Variants in CALN1 observed in about 807,000 individuals in gnomAD.
CALN1 encodes calneuron 1, also known as calcium-binding protein 8.
Under a neutral mutation model 30.6 loss-of-function variants are expected in CALN1, and 17 were observed. That is an observed-to-expected ratio of 0.56 (90% CI 0.38 to 0.83). The LOEUF is 0.83. Among genes scored for constraint, CALN1 ranks in the 40% least tolerant of loss-of-function variants. The pLI, the probability that CALN1 is intolerant of heterozygous loss-of-function variation, is 0.00. For synonymous variants in CALN1, 156 were observed against 131.4 expected, an observed-to-expected ratio of 1.19 and a Z score of -1.28; for missense variants, 291 against 354.9, an observed-to-expected ratio of 0.82 and a Z score of 1.45.
At chr7:72,155,120 T>A (rs1287808952) in intron 3 of CALN1, among the ~76,000 whole-genome samples, 1 of 152,100 alleles carries the variant, frequency 6.6e-6, no homozygotes, top group African/African-American at 2.4e-5. Flanking sequence ...GGGATCTCAC[T>A]TTCTCTCCCT....
intron 5 of CALN1, among the ~76,000 whole-genome samples, chr7:71,848,698 T>A (rs966887783): frequency 1.6e-4 from 25 of 151,870 alleles, no homozygotes; most frequent in Admixed American, 9.8e-4. Flanking sequence ...TTATTTTAAG[T>A]TGAGAAAAAA....
the CALN1 span, among the ~76,000 whole-genome samples, chr7:72,487,874 AAG>A: frequency 7.1e-5 from 5 of 70,346 alleles, no homozygotes; most frequent in South Asian, 9.0e-4. Context: ...GAAAGAAAGA[AAG>A]AAAGAAAGAA....
intron 2 of CALN1, among the ~76,000 whole-genome samples, chr7:72,288,490 G>A (rs1269741324): frequency 6.6e-6 from 1 of 152,056 alleles, no homozygotes; most frequent in East Asian, 1.9e-4. Flanking sequence ...TAGGGGGAAA[G>A]GAATTAGACT....
chr7:72,263,406 A>T (rs899564032), intron 3 of CALN1, among the ~76,000 whole-genome samples: 7 of 151,574 alleles, frequency 4.6e-5, no homozygotes, highest in Non-Finnish European at 7.4e-5. Flanking sequence ...TTTTTATTTT[A>T]TTTTTTTTAA....
intron 5 of CALN1, among the ~76,000 whole-genome samples, chr7:71,908,730 G>C (rs115622654): frequency 6.6e-6 from 1 of 152,106 alleles, no homozygotes; most frequent in African/African-American, 2.4e-5. Context: ...CCTCCTTATT[G>C]TGAAAGGGAA....
intron 3 of CALN1, among the ~76,000 whole-genome samples, chr7:72,206,267 T>C (rs1467568000): frequency 2.0e-5 from 3 of 152,232 alleles, no homozygotes; most frequent in Non-Finnish European, 4.4e-5. Flanking sequence ...TTTTGGCCTC[T>C]TCTTCGAAAA....
At chr7:71,974,417 C>CAAAAAAAA (rs1052896558) in intron 5 of CALN1, among the ~76,000 whole-genome samples, 1 of 55,006 alleles carries the variant, frequency 1.8e-5, no homozygotes, top group Non-Finnish European at 3.8e-5. Context: ...GACTCCATCT[C>CAAAAAAAA]AAAAAAAAAA....
At chr7:71,800,001 T>C (rs1040537630) in intron 6 of CALN1, among the ~76,000 whole-genome samples, 1 of 152,128 alleles carries the variant, frequency 6.6e-6, no homozygotes, top group African/African-American at 2.4e-5. Flanking sequence ...TGCGAACAGA[T>C]GGTGTTGATG....
intron 5 of CALN1, chr7:71,942,341 C>T (rs1027057783): frequency 4.6e-5 from 8 of 174,492 alleles, no homozygotes; most frequent in Admixed American, 1.9e-4. Context: ...GGACACTGCA[C>T]GCAGGTGCGC....
chr7:71,838,308 G>A (rs1048437162), intron 5 of CALN1, among the ~76,000 whole-genome samples: 1 of 152,348 alleles, frequency 6.6e-6, no homozygotes, highest in East Asian at 1.9e-4. Flanking sequence ...GTGTTTGCCA[G>A]TAATTAAAGC....
intron 2 of CALN1, among the ~76,000 whole-genome samples, chr7:72,338,469 CAGTGTGTGTGTGTGTGTG>C (rs1396730014): frequency 1.2e-4 from 5 of 41,946 alleles, no homozygotes; most frequent in African/African-American, 3.8e-4. Context: ...GCCAGCAGCA[CAGTGTGTGTGTGTGTGTG>C]TGTGTGTGTG....
At chr7:72,224,966 C>T (rs528804491) in intron 3 of CALN1, among the ~76,000 whole-genome samples, 21 of 151,798 alleles carry the variant, frequency 1.4e-4, no homozygotes, top group African/African-American at 5.1e-4. Context: ...GGTGTGGTGG[C>T]GGGCACCTGT....
chr7:71,978,333 G>A (rs1448746392), intron 5 of CALN1, among the ~76,000 whole-genome samples: 2 of 138,668 alleles, frequency 1.4e-5, no homozygotes, highest in South Asian at 2.4e-4. Context: ...GGGCAATGGC[G>A]CTATCTCGGC....
At chr7:71,866,209 A>G (rs996794638) in intron 5 of CALN1, among the ~76,000 whole-genome samples, 3 of 151,762 alleles carry the variant, frequency 2.0e-5, no homozygotes, top group Non-Finnish European at 2.9e-5. Flanking sequence ...GGGTTTCACC[A>G]TGTTAGCCAG....
At chr7:72,184,340 G>A (rs1483227970) in intron 3 of CALN1, among the ~76,000 whole-genome samples, 1 of 152,128 alleles carries the variant, frequency 6.6e-6, no homozygotes, top group Non-Finnish European at 1.5e-5. Context: ...CCATGCCTCA[G>A]TTTCCCCATC....
At chr7:71,884,041 G>A (rs1230804510) in intron 5 of CALN1, among the ~76,000 whole-genome samples, 1 of 152,106 alleles carries the variant, frequency 6.6e-6, no homozygotes, top group Non-Finnish European at 1.5e-5. Context: ...AGCCTCCCGA[G>A]TAGCTGGGAC....
At chr7:72,050,943 G>A (rs1647328027) in intron 4 of CALN1, among the ~76,000 whole-genome samples, 1 of 151,620 alleles carries the variant, frequency 6.6e-6, no homozygotes, top group Non-Finnish European at 1.5e-5. Flanking sequence ...AGCGAGCCAC[G>A]GTTGTGCCAC....
At chr7:72,072,200 G>C (rs964431267) in intron 4 of CALN1, among the ~76,000 whole-genome samples, 4 of 152,294 alleles carry the variant, frequency 2.6e-5, no homozygotes, top group African/African-American at 9.6e-5. Context: ...TGAACTCAAA[G>C]AGACCCACAT....
At chr7:72,230,795 T>A (rs1221970763) in intron 3 of CALN1, among the ~76,000 whole-genome samples, 1 of 152,250 alleles carries the variant, frequency 6.6e-6, no homozygotes, top group Non-Finnish European at 1.5e-5. Flanking sequence ...AAGTTAGTGA[T>A]AATTGGTTAC....
Sources: allele counts gnomAD v4.1 joint callset (sites outside exome capture counted in the v4.1 genomes callset), GRCh38; gene constraint gnomAD v4.1.1; transcripts MANE v1.5; gene names NCBI Gene and HGNC (gene_info 2026-07-23, HGNC 2026-07-21).